ZNF148: variants seen among roughly 807,000 people sequenced by gnomAD.
ZNF148 encodes zinc finger protein 148.
In ZNF148, 7 loss-of-function variants were observed where a neutral mutation model predicts 67.7. The ratio of observed to expected loss-of-function variants is 0.10; its 90% confidence interval spans 0.06 to 0.19. The LOEUF is 0.19. Ranked by LOEUF, ZNF148 falls within the 10% of genes least tolerant of loss-of-function variation. ZNF148 has a pLI of 1.00. For synonymous variants in ZNF148, 333 were observed against 330.7 expected (o/e 1.01, Z -0.08); for missense variants, 583 against 947.1 (o/e 0.62, Z 5.05).
chr3:125,305,214 T>C (rs960641806), intron 4 of ZNF148, among the ~76,000 whole-genome samples: 1 of 152,154 alleles, frequency 6.6e-6, no homozygotes, highest in African/African-American at 2.4e-5. Flanking sequence ...CAGAATGCAA[T>C]GGCGAGAAAA....
In ZNF148 at chr3:125,228,106, T is replaced by C. The variant is rs1161725152; in HGVS notation, c.*4235A>G. 6.6e-6 allele frequency: 1 copy of C among 152,610 alleles called. No homozygotes were observed. The highest frequency in any genetic ancestry group is 1.9e-4 in the East Asian group (1 of 5,202). 9.5% of individuals were successfully genotyped at this position (152,610 alleles called of 1,614,324 possible). A position where few individuals can be genotyped will look rare whatever the true frequency, so the allele number is the denominator to read the frequency against. ...TATGAAATATGAAGAGAACTATCTA[T>C]TTCACAATGGAGCTGAAGTCACCTC... On this transcript the variant is annotated 3_prime_UTR_variant, in exon 9 of 9. Transcript: ENST00000360647.
chr3:125,240,457 C>T lies in ZNF148; in HGVS notation c.668-6128G>A, dbSNP rs77930267. On this transcript the variant is annotated intron_variant, in intron 7 of 8. Coordinates refer to ENST00000360647, the MANE Select transcript of ZNF148 (RefSeq NM_021964.3). ...GTTTATTTAACTAAAAGCAACACTACGGCATTTCCTTTAACAAAAAAGTCA... is the reference window on the plus strand; with the variant it reads ...GTTTATTTAACTAAAAGCAACACTATGGCATTTCCTTTAACAAAAAAGTCA... Among the ~76,000 whole-genome samples, 266 of 152,280 alleles carry T rather than the reference C, an allele frequency of 1.7e-3. 1 individual carries two copies. The highest frequency in any genetic ancestry group is 5.6e-3 in the African/African-American group (231 of 41,564).
At position 125,263,035 on chromosome 3, in the gene ZNF148, A is replaced by C. The variant is rs1161701299; in HGVS notation, c.667+14691T>G. ...CGCTGTAACACAACTTAGCAGATCC[A>C]CTTCAGTTTATATTAAAATGTTTTG... On this transcript the variant is annotated intron_variant, in intron 7 of 8. Transcript: ENST00000360647. Among the ~76,000 whole-genome samples, 3 of 152,274 alleles carry C rather than the reference A, an allele frequency of 2.0e-5. No individual in the cohort carries two copies. In the East Asian group the frequency reaches 5.8e-4, roughly 29 times the overall value.
intron 7 of ZNF148, among the ~76,000 whole-genome samples, chr3:125,245,136 A>T (rs1315597995): frequency 4.6e-5 from 7 of 152,096 alleles, no homozygotes; most frequent in Non-Finnish European, 1.0e-4. Flanking sequence ...AAGGATCTCA[A>T]ATACATCATA....
Position 125,233,253 on chromosome 3 carries a change from C to T in ZNF148, c.1473G>A (p.Val491=). 2 of 1,613,882 alleles carry T rather than the reference C, an allele frequency of 1.2e-6. No homozygotes were observed. The highest frequency in any genetic ancestry group is 1.3e-5 in the African/African-American group (1 of 75,002). Residue 491 remains valine (V), a synonymous_variant, in exon 9 of 9, where the codon GTG becomes GTA. Coordinates refer to ENST00000360647, the MANE Select transcript of ZNF148 (RefSeq NM_021964.3). The surrounding 1 kb of genome is among the most constrained non-coding windows in gnomAD (Gnocchi z 5.1). ...CAGAAGGCTGAGAAGCTATGGTACC[C>T]ACATTCAGCGCATATTCCCTGCTGT... is the stretch of plus-strand genomic sequence containing the variant. ...SNNSREYALN[V]GTIASQPSVT...
Position 125,232,478 on chromosome 3 carries a change from T to C in ZNF148, c.2248A>G (p.Thr750Ala). The change falls in exon 9 of 9, where the codon ACT (threonine) becomes GCT (alanine). Residue 750 changes from threonine to alanine, a missense_variant. By Grantham distance (58) the Thr-to-Ala change is moderately conservative (BLOSUM62 0). Transcript: ENST00000360647. The surrounding 1 kb of genome is among the most constrained non-coding windows in gnomAD (Gnocchi z 4.2). Reference sequence around the variant, plus strand: ...CGAAGGTTCACCTGTCCATTGGCAGTGCTAAATTGAGTAGCTATTCCAGCT... The same window carrying C: ...CGAAGGTTCACCTGTCCATTGGCAGCGCTAAATTGAGTAGCTATTCCAGCT... ...SRAGIATQFSTANGQVNLRGP... is the reference protein window; with the variant it reads ...SRAGIATQFSAANGQVNLRGP... 6.2e-7 allele frequency: 1 copy of C among 1,613,726 alleles called. No individual in the cohort carries two copies.
intron 5 of ZNF148, among the ~76,000 whole-genome samples, chr3:125,284,987 G>A (rs1320170598): frequency 6.6e-6 from 1 of 151,540 alleles, no homozygotes; most frequent in Non-Finnish European, 1.5e-5. Flanking sequence ...AAAATCCATG[G>A]CAGCTAAAGA....
chr3:125,363,701 G>A (rs554329794), intron 1 of ZNF148, among the ~76,000 whole-genome samples: 2 of 151,210 alleles, frequency 1.3e-5, no homozygotes, highest in African/African-American at 4.9e-5. Context: ...CTGTCACCCA[G>A]GCTGGAGTGT....
At position 125,341,559 on chromosome 3, in the gene ZNF148, G is replaced by A. The variant is rs1036573519; in HGVS notation, c.-233-10321C>T. On this transcript the variant is annotated intron_variant, in intron 1 of 8. Coordinates refer to ENST00000360647, the MANE Select transcript of ZNF148 (RefSeq NM_021964.3). Reference sequence around the variant, plus strand: ...TTGCTTGAGCCTGGGAGGTCAGAGCGGTAGTGAGCTGTGATCACACCACTG... The same window carrying A: ...TTGCTTGAGCCTGGGAGGTCAGAGCAGTAGTGAGCTGTGATCACACCACTG... Among the ~76,000 whole-genome samples the A allele has an allele frequency of 6.6e-5, 10 of 150,412 alleles. No homozygotes were observed. The South Asian group carries it at 1.1e-3, about 16-fold the overall frequency.
intron 1 of ZNF148, among the ~76,000 whole-genome samples, chr3:125,353,900 C>T (rs114821034): frequency 0.011 from 1,641 of 152,098 alleles, 30 homozygotes; most frequent in African/African-American, 0.037. Flanking sequence ...ATAGCAAGAC[C>T]CCATCTCTAT....
chr3:125,253,329 G>A (rs2107552195), intron 7 of ZNF148, among the ~76,000 whole-genome samples: 2 of 152,210 alleles, frequency 1.3e-5, no homozygotes, highest in South Asian at 4.1e-4. Flanking sequence ...TACTGACCTT[G>A]TATACAGTGA....
chr3:125,361,694 C>T (rs1161256481), intron 1 of ZNF148, among the ~76,000 whole-genome samples: 1 of 152,086 alleles, frequency 6.6e-6, no homozygotes, highest in Non-Finnish European at 1.5e-5. Context: ...ATTAGCCGGA[C>T]ATGGCGGCTC....
intron 7 of ZNF148, among the ~76,000 whole-genome samples, chr3:125,274,604 T>C (rs1937944794): frequency 6.6e-6 from 1 of 152,224 alleles, no homozygotes; most frequent in Non-Finnish European, 1.5e-5. Context: ...ACTATGTTCT[T>C]GGTTTTAATA....
intron 3 of ZNF148, among the ~76,000 whole-genome samples, chr3:125,322,161 C>G (rs1391144877): frequency 1.3e-5 from 2 of 150,988 alleles, no homozygotes; most frequent in African/African-American, 4.9e-5. Flanking sequence ...TCCCGAGTAG[C>G]CGGGACTACA....
intron 7 of ZNF148, among the ~76,000 whole-genome samples, chr3:125,259,324 A>C (rs374326715): frequency 1.2e-4 from 19 of 152,304 alleles, no homozygotes; most frequent in African/African-American, 4.6e-4. Flanking sequence ...CACTTATTAG[A>C]ATGACTAAAA....
In ZNF148 at chr3:125,288,043, A is replaced by G. The variant is rs1363531371; in HGVS notation, c.459+60T>C. 15 of 1,609,618 alleles carry G rather than the reference A, an allele frequency of 9.3e-6. No individual in the cohort carries two copies. The Admixed American group carries it at 2.2e-4, about 23-fold the overall frequency. On this transcript the variant is annotated intron_variant, in intron 5 of 8. Coordinates refer to ENST00000360647, the MANE Select transcript of ZNF148 (RefSeq NM_021964.3). Reference sequence around the variant, plus strand: ...AGGGTCCAGCCAGGTTCTTGCCTATAGAATTAACCAACAGTTGGAATTAAG... The same window carrying G: ...AGGGTCCAGCCAGGTTCTTGCCTATGGAATTAACCAACAGTTGGAATTAAG...
At chr3:125,375,338 G>GCGCCGCCGCGGT (rs1259059499), upstream of ZNF148, 1 of 152,546 alleles carries the variant, frequency 6.6e-6, no homozygotes, top group Non-Finnish European at 1.5e-5. Context: ...CGCAGCTAGA[G>GCGCCGCCGCGGT]CGCCGCCGCG....
chr3:125,281,319 C>G (rs538620966), intron 5 of ZNF148, among the ~76,000 whole-genome samples: 2 of 152,080 alleles, frequency 1.3e-5, no homozygotes. Flanking sequence ...TAATAATAAG[C>G]AAGTTAACAC....
chr3:125,252,693 G>A (rs531580568), intron 7 of ZNF148, among the ~76,000 whole-genome samples: 2 of 151,334 alleles, frequency 1.3e-5, no homozygotes, highest in African/African-American at 2.4e-5. Flanking sequence ...ACTTGAACCA[G>A]GGAGTCGGAG....
Sources: allele counts gnomAD v4.1 joint callset (sites outside exome capture counted in the v4.1 genomes callset), GRCh38; gene constraint gnomAD v4.1.1; non-coding constraint Gnocchi (gnomAD v3.1); transcripts MANE v1.5; gene names NCBI Gene and HGNC (gene_info 2026-07-23, HGNC 2026-07-21).